PPP1R17: variants seen among roughly 807,000 people sequenced by gnomAD.
PPP1R17 encodes protein phosphatase 1 regulatory subunit 17.
A neutral mutation model predicts 15.9 loss-of-function variants in PPP1R17; 12 were observed. That is an observed-to-expected ratio of 0.75 (90% CI 0.48 to 1.22). The LOEUF is 1.22. Ranked by LOEUF, PPP1R17 falls within the 50% of genes most tolerant of loss-of-function variation. The pLI, the probability that PPP1R17 is intolerant of heterozygous loss-of-function variation, is 0.00. For missense variants in PPP1R17, 211 were observed against 187.3 expected (o/e 1.13, Z -0.74); for synonymous variants, 63 against 64.5 (o/e 0.98, Z 0.11).
intron 4 of PPP1R17, among the ~76,000 whole-genome samples, chr7:31,700,163 G>A (rs570401508): frequency 9.2e-5 from 14 of 152,284 alleles, no homozygotes; most frequent in Non-Finnish European, 4.4e-5. Context: ...TAGGTCTCTT[G>A]TACCAACGAG....
At chr7:31,699,037 C>T (rs1232994268) in intron 4 of PPP1R17, among the ~76,000 whole-genome samples, 1 of 152,120 alleles carries the variant, frequency 6.6e-6, no homozygotes, top group Non-Finnish European at 1.5e-5. Context: ...AAGAAAAAGT[C>T]CTTGCTCTCA....
intron 1 of PPP1R17, among the ~76,000 whole-genome samples, chr7:31,690,525 G>A (rs1792298699): frequency 6.6e-6 from 1 of 152,142 alleles, no homozygotes; most frequent in South Asian, 2.1e-4. Flanking sequence ...CTATTACATT[G>A]GGCCCCATTT....
In PPP1R17 at chr7:31,707,259, G is replaced by A. The variant is rs771117702; in HGVS notation, c.444G>A (p.Lys148=). The A allele has an allele frequency of 1.4e-5, 23 of 1,613,868 alleles. No individual in the cohort carries two copies. Among genetic ancestry groups the A allele is most frequent in the African/African-American group, 6.7e-5 (5 of 74,920 alleles). The change falls in exon 5 of 5, where the codon AAG becomes AAA. Residue 148 remains lysine (K), a synonymous_variant. Transcript: ENST00000342032. ...AAGCAATCGTGGAAGATGACGAAAA[G>A]GATGGTGACAAGATAGCTATTTAAA... ...RPKAIVEDDE[K]DGDKIAI
At position 31,692,398 on chromosome 7, in the gene PPP1R17, T is replaced by TTCC. The variant is rs1419087397; in HGVS notation, c.-36-6_-36-4dup. 8.9e-6 allele frequency: 13 copies of TTCC among 1,463,836 alleles called. No homozygotes were observed. Among genetic ancestry groups the TTCC allele is most frequent in the Non-Finnish European group, 1.2e-5 (13 of 1,049,870 alleles). The allele number at this position is 1,463,836 out of a possible 1,614,324, so 90.7% of individuals were successfully genotyped here. On this transcript the variant is annotated splice_polypyrimidine_tract_variant and splice_region_variant and intron_variant, in intron 1 of 4. Coordinates refer to ENST00000342032, the MANE Select transcript of PPP1R17 (RefSeq NM_006658.5). ...CATACTTATTAACTGTTTTTTATAC[T>TTCC]TCCTTAGTGCTGGAGAAGAAATACA...
At chr7:31,691,991 T>C (rs1246019714) in intron 1 of PPP1R17, among the ~76,000 whole-genome samples, 2 of 152,132 alleles carry the variant, frequency 1.3e-5, no homozygotes, top group Non-Finnish European at 2.9e-5. Flanking sequence ...TGAGCCTCTG[T>C]CTCCTCATCT....
chr7:31,708,058 A>C lies in PPP1R17; in HGVS notation c.*775A>C, dbSNP rs1737471522. 1 of 152,264 alleles carries C rather than the reference A, an allele frequency of 6.6e-6. No homozygotes were observed. The highest frequency in any genetic ancestry group is 1.5e-5 in the Non-Finnish European group (1 of 68,050). 9.4% of individuals were successfully genotyped at this position (152,264 alleles called of 1,614,324 possible). A position where few individuals can be genotyped will look rare whatever the true frequency, so the allele number is the denominator to read the frequency against. ...GGTAGATAAAATATCAATGTTTGTG[A>C]TGAATTTACTGTAAAAAAATTAAGG... On this transcript the variant is annotated 3_prime_UTR_variant, in exon 5 of 5. Transcript: ENST00000342032.
In PPP1R17 at chr7:31,707,386, G is replaced by T; in HGVS notation, c.*103G>T. On this transcript the variant is annotated 3_prime_UTR_variant, in exon 5 of 5. Transcript: ENST00000342032. Reference sequence around the variant, plus strand: ...TCTGCTCTCATTTTTGTCATCGTCTGACTTGAAGATTCAGACACCTTCTCC... The same window carrying T: ...TCTGCTCTCATTTTTGTCATCGTCTTACTTGAAGATTCAGACACCTTCTCC... The T allele has an allele frequency of 2.0e-6, 2 of 993,574 alleles. No individual in the cohort carries two copies. Among genetic ancestry groups the T allele is most frequent in the South Asian group, 3.5e-5 (2 of 57,860 alleles). 61.5% of individuals were successfully genotyped at this position (993,574 alleles called of 1,614,324 possible).
At chr7:31,701,054 C>T (rs1223588405) in intron 4 of PPP1R17, among the ~76,000 whole-genome samples, 4 of 151,286 alleles carry the variant, frequency 2.6e-5, no homozygotes, top group Non-Finnish European at 5.9e-5. Flanking sequence ...GGAGTTACTT[C>T]GACTTGCAAG....
At chr7:31,705,518 G>C (rs957544608) in intron 4 of PPP1R17, among the ~76,000 whole-genome samples, 2 of 152,180 alleles carry the variant, frequency 1.3e-5, no homozygotes, top group Non-Finnish European at 2.9e-5. Context: ...GTTTCAGCCA[G>C]ACTCTTGAAA....
intron 1 of PPP1R17, among the ~76,000 whole-genome samples, chr7:31,688,062 T>A (rs1279500479): frequency 6.6e-6 from 1 of 152,168 alleles, no homozygotes; most frequent in African/African-American, 2.4e-5. Flanking sequence ...TTCTGATAGA[T>A]CAATTTAGAT....
At chr7:31,697,351 A>G (rs1035626942) in intron 4 of PPP1R17, among the ~76,000 whole-genome samples, 1 of 152,216 alleles carries the variant, frequency 6.6e-6, no homozygotes, top group Non-Finnish European at 1.5e-5. Flanking sequence ...ATGCCTCAGC[A>G]GAGCTGGTTG....
intron 4 of PPP1R17, among the ~76,000 whole-genome samples, chr7:31,702,512 T>A (rs1792894069): frequency 6.6e-6 from 1 of 152,210 alleles, no homozygotes; most frequent in South Asian, 2.1e-4. Context: ...GTCAGCCAGC[T>A]CGAAGCCTCT....
Position 31,697,107 on chromosome 7 carries a change from C to G in PPP1R17, c.378C>G (p.Pro126=), listed in dbSNP as rs959754348. The change falls in exon 4 of 5, where the codon CCC becomes CCG. Residue 126 remains proline (P), a synonymous_variant. Transcript: ENST00000342032. ...ACACACCTGCCCTGCACATGTCCCC[C>G]TTTGCAGCAGGTAAAAAAGCTGGTG... is the stretch of plus-strand genomic sequence containing the variant. ...RKDTPALHMS[P]FAAGVTLLRD... 6.2e-7 allele frequency: 1 copy of G among 1,613,852 alleles called. No individual in the cohort carries two copies. The highest frequency in any genetic ancestry group is 8.5e-7 in the Non-Finnish European group (1 of 1,179,896).
chr7:31,689,734 T>G (rs750022840), intron 1 of PPP1R17, among the ~76,000 whole-genome samples: 4 of 152,186 alleles, frequency 2.6e-5, no homozygotes, highest in Non-Finnish European at 4.4e-5. Flanking sequence ...CTCCACTTGC[T>G]TGTTCTTTTC....
chr7:31,697,248 A>T, intron 4 of PPP1R17, 131 bp downstream of exon 4: 1 of 1,127,682 alleles, frequency 8.9e-7, no homozygotes, highest in Non-Finnish European at 1.2e-6. Flanking sequence ...TGCTCTGGGG[A>T]GAAGCCACAC....
intron 1 of PPP1R17, among the ~76,000 whole-genome samples, chr7:31,687,508 A>AG (rs1469538033): frequency 1.3e-5 from 2 of 152,206 alleles, no homozygotes; most frequent in African/African-American, 4.8e-5. Flanking sequence ...GTTCTGTAAA[A>AG]GACTGAACCC....
At position 31,692,606 on chromosome 7, in the gene PPP1R17, A is replaced by G; in HGVS notation, c.82+83A>G. Reference sequence around the variant, plus strand: ...GCCATTTGGTTTGCAGGCAAGTCAGAGAGAGGGCACCCCCCGAAACCTGAT... The same window carrying G: ...GCCATTTGGTTTGCAGGCAAGTCAGGGAGAGGGCACCCCCCGAAACCTGAT... On this transcript the variant is annotated intron_variant, in intron 2 of 4. Transcript: ENST00000342032. 2 of 1,331,800 alleles carry G rather than the reference A, an allele frequency of 1.5e-6. 1 individual carries two copies. The highest frequency in any genetic ancestry group is 2.4e-5 in the South Asian group (2 of 81,830). 82.5% of individuals were successfully genotyped at this position (1,331,800 alleles called of 1,614,324 possible).
At chr7:31,707,178 T>C (rs753633815) in intron 4 of PPP1R17, 26 bp from the exon 5 acceptor site, 20 of 1,604,430 alleles carry the variant, frequency 1.2e-5, no homozygotes, top group South Asian at 1.1e-5. Context: ...AGGTACTTAA[T>C]TGCAGGTCTG....
chr7:31,695,370 C>A, intron 2 of PPP1R17, 99 bp from the exon 3 acceptor site: 1 of 1,124,612 alleles, frequency 8.9e-7, no homozygotes, highest in Non-Finnish European at 1.3e-6. Flanking sequence ...GCCAAATCAC[C>A]TCTGTCCTGT....
Sources: allele counts gnomAD v4.1 joint callset (sites outside exome capture counted in the v4.1 genomes callset), GRCh38; gene constraint gnomAD v4.1.1; transcripts MANE v1.5; gene names NCBI Gene and HGNC (gene_info 2026-07-23, HGNC 2026-07-21).